The following ATOSA variants were observed in gnomAD, a reference collection of about 807,000 sequenced individuals.
The protein encoded by ATOSA is atos homolog A.
the ATOSA span, among the ~76,000 whole-genome samples, chr15:52,641,548 T>C: frequency 6.6e-6 from 1 of 152,186 alleles, no homozygotes; most frequent in East Asian, 1.9e-4. Context: ...GAAAATGAGA[T>C]GATGTAATCA....
At chr15:52,671,489 T>TGC in the ATOSA span, among the ~76,000 whole-genome samples, 2 of 152,190 alleles carry the variant, frequency 1.3e-5, no homozygotes, top group Non-Finnish European at 2.9e-5. Flanking sequence ...TGTACAAGAC[T>TGC]GCCTACTAAA....
At chr15:52,636,472 C>T in the ATOSA span, among the ~76,000 whole-genome samples, 1 of 152,038 alleles carries the variant, frequency 6.6e-6, no homozygotes, top group Admixed American at 6.6e-5. Context: ...CCAACAGGGT[C>T]CTAATCCCGT....
the ATOSA span, chr15:52,600,055 G>C: frequency 3.2e-6 from 2 of 618,862 alleles, no homozygotes; most frequent in African/African-American, 3.8e-5. Flanking sequence ...CAAAGTTAAA[G>C]ACATATAAAA....
At chr15:52,593,711 T>C in the ATOSA span, 25 of 1,555,420 alleles carry the variant, frequency 1.6e-5, no homozygotes, top group Non-Finnish European at 2.2e-5. Flanking sequence ...GCCGAGAGGA[T>C]CGAAACGATA....
At chr15:52,597,165 GTTCTATTCTA>G in the ATOSA span, among the ~76,000 whole-genome samples, 1,531 of 24,654 alleles carry the variant, frequency 0.062, 35 homozygotes, top group South Asian at 0.089. Context: ...GTTCTGTTCT[GTTCTATTCTA>G]TTCTATTCTA....
the ATOSA span, chr15:52,648,788 G>C: frequency 6.6e-6 from 1 of 152,146 alleles, no homozygotes; most frequent in Non-Finnish European, 1.5e-5. Context: ...ATGAGCCTTA[G>C]GGGCTGATTA....
At chr15:52,610,622 A>G in the ATOSA span, among the ~76,000 whole-genome samples, 2 of 152,258 alleles carry the variant, frequency 1.3e-5, no homozygotes, top group Non-Finnish European at 2.9e-5. Context: ...CTTAAGCATT[A>G]AAGCTCAAGA....
At chr15:52,678,491 T>C in the ATOSA span, 6 of 161,550 alleles carry the variant, frequency 3.7e-5, no homozygotes, top group Non-Finnish European at 8.1e-5. Context: ...ATGGAAATTC[T>C]TCCACCTGGT....
the ATOSA span, chr15:52,582,415 G>A: frequency 3.2e-5 from 28 of 881,260 alleles, no homozygotes; most frequent in East Asian, 8.5e-4. Flanking sequence ...ACAATATTAG[G>A]TCAACACTAA....
chr15:52,603,905 T>C, the ATOSA span, among the ~76,000 whole-genome samples: 2 of 152,124 alleles, frequency 1.3e-5, no homozygotes, highest in Non-Finnish European at 2.9e-5. Context: ...ATGAATAAGA[T>C]CTAGTATTTG....
At chr15:52,588,150 A>G in the ATOSA span, among the ~76,000 whole-genome samples, 1 of 152,294 alleles carries the variant, frequency 6.6e-6, no homozygotes, top group Non-Finnish European at 1.5e-5. Flanking sequence ...ACTCGTTAGG[A>G]ATGTGAAATG....
At chr15:52,609,172 T>G in the ATOSA span, 1 of 1,613,564 alleles carries the variant, frequency 6.2e-7, no homozygotes, top group Non-Finnish European at 8.5e-7. Context: ...ATTTCTTGTT[T>G]GATGTTTCAA....
At chr15:52,651,763 T>A in the ATOSA span, 1 of 1,086,248 alleles carries the variant, frequency 9.2e-7, no homozygotes, top group Non-Finnish European at 1.3e-6. Context: ...TTCCTAGACC[T>A]ATTTATTAAA....
the ATOSA span, among the ~76,000 whole-genome samples, chr15:52,599,637 G>C: frequency 1.3e-5 from 2 of 152,118 alleles, no homozygotes; most frequent in Non-Finnish European, 2.9e-5. Flanking sequence ...TAGAAATATT[G>C]TGAGTAAACA....
At chr15:52,697,299 C>G in the ATOSA span, among the ~76,000 whole-genome samples, 40,787 of 152,102 alleles carry the variant, frequency 0.27, 6,169 homozygotes, top group East Asian at 0.54. Context: ...ACTGCCTTCT[C>G]AGGCCAAATG....
chr15:52,626,652 G>C, the ATOSA span, among the ~76,000 whole-genome samples: 6 of 152,050 alleles, frequency 3.9e-5, no homozygotes, highest in East Asian at 1.2e-3. Flanking sequence ...GACTTGCTCA[G>C]GCATACACAG....
chr15:52,668,907 ATT>A, the ATOSA span, among the ~76,000 whole-genome samples: 39 of 142,264 alleles, frequency 2.7e-4, no homozygotes, highest in African/African-American at 6.2e-4. Context: ...TGGGTTTGAA[ATT>A]TTTTTTTTTT....
the ATOSA span, among the ~76,000 whole-genome samples, chr15:52,635,211 A>C: frequency 1.3e-5 from 2 of 152,220 alleles, no homozygotes; most frequent in East Asian, 3.8e-4. Flanking sequence ...TGGAGGTTTC[A>C]ACATACCCTT....
chr15:52,643,742 G>A, the ATOSA span, among the ~76,000 whole-genome samples: 1 of 151,902 alleles, frequency 6.6e-6, no homozygotes, highest in African/African-American at 2.4e-5. Flanking sequence ...GGCAAAACCC[G>A]TCTCTACTGA....
Sources: gnomAD v4.1 joint callset for allele counts (sites outside exome capture counted in the v4.1 genomes callset) on GRCh38, gnomAD v4.1.1 for gene constraint, MANE v1.5 for transcripts, NCBI Gene and HGNC (gene_info 2026-07-23, HGNC 2026-07-21) for gene names.